Variants in PTPRU observed in about 807,000 individuals in gnomAD.
PTPRU encodes protein tyrosine phosphatase receptor type U.
Under a neutral mutation model 166.3 loss-of-function variants are expected in PTPRU, and 69 were observed. The observed-to-expected ratio is 0.41, with a 90% CI of 0.34 to 0.51. The LOEUF is 0.51. Ranked by LOEUF, PTPRU falls within the 20% of genes least tolerant of loss-of-function variation. The pLI is 0.09. For missense variants in PTPRU, 1,657 were observed against 2,013.7 expected (o/e 0.82, Z 3.39); for synonymous variants, 793 against 814.0 (o/e 0.97, Z 0.44).
Position 29,271,636 on chromosome 1 carries a change from C to T in PTPRU, c.1145-3812C>T, listed in dbSNP as rs1685559801. ...ACATAAAAATTGGAATTTCTGGCTC[C>T]TCTTGAAAAATGGGAGGATCTGGCA... On this transcript the variant is annotated intron_variant, in intron 7 of 29. Transcript: ENST00000373779. The surrounding 1 kb of genome is among the most constrained non-coding windows in gnomAD (Gnocchi z 4.4). Among the ~76,000 whole-genome samples, 1 of 152,120 alleles carries T rather than the reference C, an allele frequency of 6.6e-6. No homozygotes were observed. Among genetic ancestry groups the T allele is most frequent in the African/African-American group, 2.4e-5 (1 of 41,426 alleles).
At chr1:29,254,930 T>A (rs545930707) in intron 1 of PTPRU, among the ~76,000 whole-genome samples, 1 of 152,306 alleles carries the variant, frequency 6.6e-6, no homozygotes, top group East Asian at 1.9e-4. Context: ...CTATTCCTGA[T>A]CTTATGGGTT....
At chr1:29,268,520 T>G (rs998103577) in intron 7 of PTPRU, among the ~76,000 whole-genome samples, 1 of 152,214 alleles carries the variant, frequency 6.6e-6, no homozygotes, top group African/African-American at 2.4e-5. Context: ...AGTGCTGAGG[T>G]TGAGAATCCC....
chr1:29,255,138 G>A, intron 1 of PTPRU, 137 bp from the exon 2 acceptor site: 1 of 1,013,416 alleles, frequency 9.9e-7, no homozygotes, highest in Non-Finnish European at 1.4e-6. Flanking sequence ...GAGGGAGGGA[G>A]CAGTGTGGGG....
intron 25 of PTPRU, among the ~76,000 whole-genome samples, chr1:29,318,848 G>T (rs1448016688): frequency 6.6e-6 from 1 of 152,242 alleles, no homozygotes; most frequent in Non-Finnish European, 1.5e-5. Context: ...GTGAAGGATG[G>T]GCCAGGGCCA....
intron 1 of PTPRU, among the ~76,000 whole-genome samples, chr1:29,250,873 G>A (rs779267012): frequency 6.6e-6 from 1 of 152,222 alleles, no homozygotes; most frequent in Non-Finnish European, 1.5e-5. Context: ...TACCCACTAT[G>A]AGCTGGAGCT....
At position 29,237,688 on chromosome 1, in the gene PTPRU, G is replaced by C. The variant is rs1029524122; in HGVS notation, c.73+971G>C. Among the ~76,000 whole-genome samples, 22 of 150,808 alleles carry C rather than the reference G, an allele frequency of 1.5e-4. No individual in the cohort carries two copies. The highest frequency in any genetic ancestry group is 5.4e-4 in the African/African-American group (22 of 40,918). ...GACCGGGCCCCGCGGCCGCCGCCTC[G>C]GGCATGTCGGACTGTTTGTTGTTTC... On this transcript the variant is annotated intron_variant, in intron 1 of 29. Transcript: ENST00000373779. The surrounding 1 kb of genome is among the most constrained non-coding windows in gnomAD (Gnocchi z 6.4).
intron 1 of PTPRU, among the ~76,000 whole-genome samples, chr1:29,239,704 C>G (rs960014958): frequency 1.3e-5 from 2 of 152,102 alleles, no homozygotes; most frequent in East Asian, 1.9e-4. Flanking sequence ...CCCCCTCCCC[C>G]CTTTTCCTAG....
At chr1:29,242,515 A>G (rs1684103613) in intron 1 of PTPRU, among the ~76,000 whole-genome samples, 1 of 152,246 alleles carries the variant, frequency 6.6e-6, no homozygotes, top group East Asian at 1.9e-4. Flanking sequence ...CTCCTGAGTC[A>G]TGTATGGGTA....
chr1:29,283,000 G>T (rs1686152494), intron 12 of PTPRU, 51 bp downstream of exon 12: 2 of 1,593,390 alleles, frequency 1.3e-6, no homozygotes, highest in East Asian at 2.2e-5. Context: ...TGGGGGGATG[G>T]CAGACAGGAG....
chr1:29,237,875 GCCGGGCGGGGGCTGTCC>G lies in PTPRU; in HGVS notation c.73+1165_73+1181del, dbSNP rs1683848976. ...CCGGGCCGCGGCTGCGCCCCGGGCG[GCCGGGCGGGGGCTGTCC>G]CCGGGCTGGGCTGCGACGTCCGGGC... is the stretch of plus-strand genomic sequence containing the variant. On this transcript the variant is annotated intron_variant, in intron 1 of 29. Transcript: ENST00000373779. The surrounding 1 kb of genome is among the most constrained non-coding windows in gnomAD (Gnocchi z 6.4). Among the ~76,000 whole-genome samples, 1 of 146,542 alleles carries G rather than the reference GCCGGGCGGGGGCTGTCC, an allele frequency of 6.8e-6. No homozygotes were observed. The highest frequency in any genetic ancestry group is 6.8e-5 in the Admixed American group (1 of 14,774).
At position 29,260,581 on chromosome 1, in the gene PTPRU, C is replaced by T. The variant is rs373708406; in HGVS notation, c.851-29C>T. On this transcript the variant is annotated intron_variant, in intron 6 of 29. Transcript: ENST00000373779. This position sits in a 1 kb window ranked among gnomAD's most constrained non-coding sequence, Gnocchi z 8.3. The stretch of plus-strand genomic sequence containing the variant: ...CTGGGGTCTCACAGCAGCATCGGTC[C>T]GCCTCGCCTCTCCCCCATCTCCTCG... 14 of 1,470,006 alleles carry T rather than the reference C, an allele frequency of 9.5e-6. No homozygotes were observed. The highest frequency in any genetic ancestry group is 5.1e-5 in the East Asian group (2 of 39,424). 91.1% of individuals were successfully genotyped at this position (1,470,006 alleles called of 1,614,324 possible). A position where few individuals can be genotyped will look rare whatever the true frequency, so the allele number is the denominator to read the frequency against.
intron 1 of PTPRU, among the ~76,000 whole-genome samples, chr1:29,239,360 G>A (rs369502974): frequency 6.6e-6 from 1 of 152,192 alleles, no homozygotes; most frequent in East Asian, 1.9e-4. Context: ...TTGGTCGCAG[G>A]AGTTGTGGAC....
intron 7 of PTPRU, among the ~76,000 whole-genome samples, chr1:29,261,572 C>G (rs529705847): frequency 2.6e-5 from 4 of 152,152 alleles, no homozygotes; most frequent in Admixed American, 6.5e-5. Flanking sequence ...CTCTGTCACC[C>G]AGGCTGGAGC....
Position 29,237,069 on chromosome 1 carries a change from G to C in PTPRU, c.73+352G>C, listed in dbSNP as rs1683801913. On this transcript the variant is annotated intron_variant, in intron 1 of 29. Transcript: ENST00000373779. The surrounding 1 kb of genome is among the most constrained non-coding windows in gnomAD (Gnocchi z 6.4). Reference sequence around the variant, plus strand: ...GCATCTGAGTTTGGTTGTGTTGCGGGAGTTGTATCTGCTAATGTGTTGCAT... The same window carrying C: ...GCATCTGAGTTTGGTTGTGTTGCGGCAGTTGTATCTGCTAATGTGTTGCAT... 6.6e-6 allele frequency among the ~76,000 whole-genome samples: 1 copy of C among 152,164 alleles called. No individual in the cohort carries two copies. The highest frequency in any genetic ancestry group is 6.5e-5 in the Admixed American group (1 of 15,284).
chr1:29,311,764 G>A lies in PTPRU; in HGVS notation c.3072+5G>A. 1 of 1,612,306 alleles carries A rather than the reference G, an allele frequency of 6.2e-7. No homozygotes were observed. The highest frequency in any genetic ancestry group is 8.5e-7 in the Non-Finnish European group (1 of 1,178,606). Reference sequence around the variant, plus strand: ...CGCACTTTTGCCCTGGAGCGGGTGAGTCTCCCCACCGCCTGTTCCCTGCAG... The same window carrying A: ...CGCACTTTTGCCCTGGAGCGGGTGAATCTCCCCACCGCCTGTTCCCTGCAG... On this transcript the variant is annotated splice_donor_5th_base_variant and intron_variant, in intron 21 of 29. Transcript: ENST00000373779. This position sits in a 1 kb window ranked among gnomAD's most constrained non-coding sequence, Gnocchi z 4.1.
Position 29,317,624 on chromosome 1 carries a change from TG to T in PTPRU, c.3514-122del. On this transcript the variant is annotated intron_variant, in intron 24 of 29. Transcript: ENST00000373779. This position sits in a 1 kb window ranked among gnomAD's most constrained non-coding sequence, Gnocchi z 5.6. ...GCTCCGTGCCCTGTACCCTTCTCTCTGGACCTCAGTTTCTCCATCCATAAAA... is the reference window on the plus strand; with the variant it reads ...GCTCCGTGCCCTGTACCCTTCTCTCTGACCTCAGTTTCTCCATCCATAAAA... The T allele has an allele frequency of 8.7e-7, 1 of 1,148,738 alleles. No homozygotes were observed. The highest frequency in any genetic ancestry group is 1.2e-6 in the Non-Finnish European group (1 of 817,536). The allele number at this position is 1,148,738 out of a possible 1,614,324, so 71.2% of individuals were successfully genotyped here.
chr1:29,285,247 T>A (rs924724484), intron 14 of PTPRU, among the ~76,000 whole-genome samples: 5 of 152,194 alleles, frequency 3.3e-5, no homozygotes, highest in Non-Finnish European at 5.9e-5. Context: ...GTGTCTGCCC[T>A]GCTTATGGGA....
In PTPRU at chr1:29,325,798, C is replaced by T; in HGVS notation, c.*137C>T. On this transcript the variant is annotated 3_prime_UTR_variant, in exon 30 of 30. Transcript: ENST00000373779. The stretch of plus-strand genomic sequence containing the variant: ...AGCACTGGAGTGGATGCTGGGCTAT[C>T]TTGCTCCCCCTTCCACTGTGGGCAG... 1.0e-6 allele frequency: 1 copy of T among 970,964 alleles called. No individual in the cohort carries two copies. Among genetic ancestry groups the T allele is most frequent in the Non-Finnish European group, 1.5e-6 (1 of 676,136 alleles). 60.1% of individuals were successfully genotyped at this position (970,964 alleles called of 1,614,324 possible).
intron 7 of PTPRU, among the ~76,000 whole-genome samples, chr1:29,263,228 G>C (rs996479977): frequency 6.6e-6 from 1 of 152,106 alleles, no homozygotes; most frequent in Non-Finnish European, 1.5e-5. Flanking sequence ...GAGGTGATCC[G>C]CCTGCCTTAG....
Sources: gnomAD v4.1 joint callset for allele counts (sites outside exome capture counted in the v4.1 genomes callset) on GRCh38, gnomAD v4.1.1 for gene constraint, Gnocchi (gnomAD v3.1) non-coding constraint, MANE v1.5 for transcripts, NCBI Gene and HGNC (gene_info 2026-07-23, HGNC 2026-07-21) for gene names.